Variants in CNKSR3 observed in about 807,000 individuals in gnomAD.
The protein encoded by CNKSR3 is CNKSR family member 3.
Under a neutral mutation model 67.7 loss-of-function variants are expected in CNKSR3, and 36 were observed. The ratio of observed to expected loss-of-function variants is 0.53; its 90% CI spans 0.41 to 0.70. The LOEUF is 0.70. Ranked by LOEUF, CNKSR3 falls within the 30% of genes least tolerant of loss-of-function variation. CNKSR3 has a pLI of 0.00. For missense variants in CNKSR3, 630 were observed against 695.2 expected (o/e 0.91, Z 1.05); for synonymous variants, 281 against 271.4 (o/e 1.04, Z -0.35).
Position 154,414,369 on chromosome 6 carries a change from G to T in CNKSR3, c.1000C>A (p.Leu334Met), listed in dbSNP as rs1171560090. The T allele has an allele frequency of 6.2e-7, 1 of 1,612,102 alleles. No individual in the cohort carries two copies. Among genetic ancestry groups the T allele is most frequent in the African/African-American group, 1.3e-5 (1 of 74,838 alleles). The change falls in exon 10 of 13, where the codon CTG becomes ATG. Residue 334 changes from leucine to methionine, a missense_variant. By Grantham distance (15) the Leu-to-Met change is conservative. Transcript: ENST00000607772. Reference protein sequence around the residue: ...QSPESTMDTSLKKEKSAILDL... With the variant: ...QSPESTMDTSMKKEKSAILDL... ...AGGATGGCTGACTTCTCCTTCTTCA[G>T]TGAGGTATCCATAGTGCTTTCAGGG... is the stretch of plus-strand genomic sequence containing the variant.
intron 1 of CNKSR3, among the ~76,000 whole-genome samples, chr6:154,475,432 G>T (rs528794873): frequency 5.9e-5 from 9 of 152,054 alleles, no homozygotes; most frequent in African/African-American, 1.9e-4. Context: ...CCCCCTCCCC[G>T]GTGGAAATGG....
chr6:154,475,601 T>C (rs1029332375), intron 1 of CNKSR3, among the ~76,000 whole-genome samples: 1 of 152,142 alleles, frequency 6.6e-6, no homozygotes, highest in Admixed American at 6.6e-5. Context: ...TCTTGCTCCC[T>C]CTCAGCTCCA....
At chr6:154,492,772 A>C (rs1050909279) in intron 1 of CNKSR3, among the ~76,000 whole-genome samples, 1 of 151,328 alleles carries the variant, frequency 6.6e-6, no homozygotes, top group Non-Finnish European at 1.5e-5. Context: ...AAAACAAAAA[A>C]AAAAACAACA....
intron 1 of CNKSR3, among the ~76,000 whole-genome samples, chr6:154,460,494 A>G (rs1330081694): frequency 6.6e-6 from 1 of 152,240 alleles, no homozygotes; most frequent in Non-Finnish European, 1.5e-5. Flanking sequence ...GGATGAACAC[A>G]AAACCTACGC....
chr6:154,428,130 T>A lies in CNKSR3; in HGVS notation c.727A>T (p.Asn243Tyr). 1.9e-6 allele frequency: 3 copies of A among 1,598,698 alleles called. No homozygotes were observed. The South Asian group carries it at 3.3e-5, about 18-fold the overall frequency. Reference protein sequence around the residue: ...GLHVITGTTENSPADRSQKIH... With the variant: ...GLHVITGTTEYSPADRSQKIH... Reference sequence around the variant, plus strand: ...ACACTTAATGAATATACACTTACATTTTCTGTGGTTCCAGTAATCACGTGT... The same window carrying A: ...ACACTTAATGAATATACACTTACATATTCTGTGGTTCCAGTAATCACGTGT... Residue 243 changes from asparagine to tyrosine, a missense_variant and splice_region_variant, in exon 7 of 13, where the codon AAT becomes TAT. By Grantham distance (143) the Asn-to-Tyr change is moderately radical. Transcript: ENST00000607772.
chr6:154,506,096 C>T (rs1344413584), intron 1 of CNKSR3, among the ~76,000 whole-genome samples: 1 of 152,090 alleles, frequency 6.6e-6, no homozygotes, highest in African/African-American at 2.4e-5. Context: ...GGGAATGTGG[C>T]ACATGTGTAC....
Position 154,390,798 on chromosome 6 carries a change from CTT to C in CNKSR3, c.*15554_*15555del, listed in dbSNP as rs71021052. On this transcript the variant is annotated 3_prime_UTR_variant, in exon 13 of 13. Transcript: ENST00000607772. Reference sequence around the variant, plus strand: ...TCAGCAGCACTGGTTTCTTCTGAGGCTTTTTTTTTTTTTTTTTTTTGAGATGG... The same window carrying C: ...TCAGCAGCACTGGTTTCTTCTGAGGCTTTTTTTTTTTTTTTTTTGAGATGG... 11 of 103,046 alleles carry C rather than the reference CTT, an allele frequency of 1.1e-4. No homozygotes were observed. Among genetic ancestry groups the C allele is most frequent in the Admixed American group, 3.6e-4 (3 of 8,288 alleles). 6.4% of individuals were successfully genotyped at this position (103,046 alleles called of 1,614,324 possible). A position where few individuals can be genotyped will look rare whatever the true frequency, so the allele number is the denominator to read the frequency against.
At chr6:154,486,299 C>T (rs867967001) in intron 1 of CNKSR3, among the ~76,000 whole-genome samples, 3,350 of 138,446 alleles carry the variant, frequency 0.024, 116 homozygotes, top group African/African-American at 0.08. Flanking sequence ...CTCTCTTTTT[C>T]TTTTTTTTTT....
At chr6:154,441,202 C>T in intron 4 of CNKSR3, 90 bp downstream of exon 4, 1 of 920,708 alleles carries the variant, frequency 1.1e-6, no homozygotes, top group Non-Finnish European at 1.6e-6. Context: ...GAGAGTAGTA[C>T]TTCATACCTG....
chr6:154,447,929 A>C (rs1462892247), intron 2 of CNKSR3, among the ~76,000 whole-genome samples: 1 of 152,234 alleles, frequency 6.6e-6, no homozygotes, highest in East Asian at 1.9e-4. Flanking sequence ...AATTATAATA[A>C]GAATATTCAA....
chr6:154,477,565 C>T (rs1359777531), intron 1 of CNKSR3, among the ~76,000 whole-genome samples: 1 of 152,058 alleles, frequency 6.6e-6, no homozygotes, highest in East Asian at 1.9e-4. Flanking sequence ...AGATGATCCA[C>T]CTGCCTCAGC....
chr6:154,466,330 T>C (rs1786197789), intron 1 of CNKSR3, among the ~76,000 whole-genome samples: 1 of 152,120 alleles, frequency 6.6e-6, no homozygotes, highest in Non-Finnish European at 1.5e-5. Flanking sequence ...GAAGGGCCAG[T>C]TCCCTTGGCT....
chr6:154,485,731 T>C (rs1786653190), intron 1 of CNKSR3, among the ~76,000 whole-genome samples: 4 of 152,198 alleles, frequency 2.6e-5, no homozygotes, highest in Admixed American at 2.6e-4. Context: ...AGTTTGAGAC[T>C]TTCTGTGATT....
rs923007631 is a variant in CNKSR3, at chr6:154,510,543, C to T, written c.-429G>A. ...GCCTGCTGGCTCTCCGGGGTCCCCG[C>T]TCCGCGTGCGCTGGCGTCCCGGAGC... is the stretch of plus-strand genomic sequence containing the variant. On this transcript the variant is annotated 5_prime_UTR_variant, in exon 1 of 13. Coordinates refer to ENST00000607772, the MANE Select transcript of CNKSR3 (RefSeq NM_173515.4). 5.3e-6 allele frequency: 1 copy of T among 189,660 alleles called. No homozygotes were observed. The highest frequency in any genetic ancestry group is 1.1e-5 in the Non-Finnish European group (1 of 92,974). 11.7% of individuals were successfully genotyped at this position (189,660 alleles called of 1,614,324 possible). A position where few individuals can be genotyped will look rare whatever the true frequency, so the allele number is the denominator to read the frequency against.
chr6:154,404,066 ACACGAGACCTCCCCAGCCCACACCC>A lies in CNKSR3; in HGVS notation c.*2263_*2287del, dbSNP rs1444166493. The A allele has an allele frequency of 1.3e-5, 2 of 152,174 alleles. No homozygotes were observed. The highest frequency in any genetic ancestry group is 4.8e-5 in the African/African-American group (2 of 41,422). The allele number at this position is 152,174 out of a possible 1,614,324, so 9.4% of individuals were successfully genotyped here. A position where few individuals can be genotyped will look rare whatever the true frequency, so the allele number is the denominator to read the frequency against. On this transcript the variant is annotated 3_prime_UTR_variant, in exon 13 of 13. Transcript: ENST00000607772. ...GCTCCCTCCTCATCACCAGTGCCCT[ACACGAGACCTCCCCAGCCCACACCC>A]CACCCTCCTAGTGTGTTGAACACCC...
chr6:154,480,158 A>C (rs1415464976), intron 1 of CNKSR3, among the ~76,000 whole-genome samples: 1 of 152,122 alleles, frequency 6.6e-6, no homozygotes. Context: ...CATGAAAAGG[A>C]ATGTTTTCTT....
At chr6:154,474,519 T>C (rs1041716295) in intron 1 of CNKSR3, among the ~76,000 whole-genome samples, 5 of 151,462 alleles carry the variant, frequency 3.3e-5, no homozygotes, top group African/African-American at 1.2e-4. Context: ...AAAAACAAGG[T>C]TAGATGGGAA....
In CNKSR3 at chr6:154,411,098, T is replaced by G. The variant is rs1784902751; in HGVS notation, c.1115A>C (p.Lys372Thr). 1.2e-6 allele frequency: 2 copies of G among 1,614,116 alleles called. No homozygotes were observed. Among genetic ancestry groups the G allele is most frequent in the African/African-American group, 1.3e-5 (1 of 75,036 alleles). Residue 372 changes from lysine to threonine, a missense_variant, in exon 11 of 13, where the codon AAA becomes ACA. Physicochemically the swap from Lys to Thr is moderately conservative, Grantham distance 78. Transcript: ENST00000607772. ...SFVYGGSSKCKQPLPGPKGSE... is the reference protein window; with the variant it reads ...SFVYGGSSKCTQPLPGPKGSE... ...ACCCTTAGGACCAGGCAATGGTTGTTTGCACTTACTGGACCCTCCATAAAC... is the reference window on the plus strand; with the variant it reads ...ACCCTTAGGACCAGGCAATGGTTGTGTGCACTTACTGGACCCTCCATAAAC...
chr6:154,415,522 C>A (rs113042081), intron 9 of CNKSR3, among the ~76,000 whole-genome samples: 2 of 152,098 alleles, frequency 1.3e-5, no homozygotes, highest in Non-Finnish European at 2.9e-5. Flanking sequence ...TGAACCACCA[C>A]GCACAGCCCT....
Sources: allele counts gnomAD v4.1 joint callset (sites outside exome capture counted in the v4.1 genomes callset), GRCh38; gene constraint gnomAD v4.1.1; transcripts MANE v1.5; gene names NCBI Gene and HGNC (gene_info 2026-07-23, HGNC 2026-07-21).